MMS22L: variants seen among roughly 807,000 people sequenced by gnomAD.
MMS22L encodes MMS22 like, DNA repair protein, also known as protein MMS22-like.
A neutral mutation model predicts 159.1 loss-of-function variants in MMS22L; 74 were observed. The ratio of observed to expected loss-of-function variants is 0.47; its 90% CI spans 0.39 to 0.56. MMS22L has a LOEUF of 0.56. Among genes scored for constraint, MMS22L ranks in the 20% least tolerant of loss-of-function variants. MMS22L has a pLI of 0.00. For missense variants in MMS22L, 1,351 were observed against 1,422.1 expected (o/e 0.95, Z 0.80); for synonymous variants, 517 against 506.9 (o/e 1.02, Z -0.27).
chr6:97,189,245 T>C (rs866334861), intron 14 of MMS22L, among the ~76,000 whole-genome samples: 12 of 141,048 alleles, frequency 8.5e-5, no homozygotes, highest in South Asian at 7.2e-4. Flanking sequence ...GGACTCAAAG[T>C]TCTGAATCCA....
At chr6:97,164,394 T>C (rs559178165) in intron 21 of MMS22L, among the ~76,000 whole-genome samples, 1 of 151,892 alleles carries the variant, frequency 6.6e-6, no homozygotes, top group African/African-American at 2.4e-5. Flanking sequence ...GCTAATTTCA[T>C]ATAAAAATAA....
intron 14 of MMS22L, among the ~76,000 whole-genome samples, chr6:97,202,153 A>G (rs1280378130): frequency 6.6e-6 from 1 of 152,162 alleles, no homozygotes; most frequent in Non-Finnish European, 1.5e-5. Context: ...GCTGTGTACT[A>G]AACAACTGAG....
At position 97,267,896 on chromosome 6, in the gene MMS22L, G is replaced by A. The variant is rs751284218; in HGVS notation, c.804C>T (p.Ser268=). Reference sequence around the variant, plus strand: ...CCTTGTCGTACCTGTTGAGTGACAGGCTTATTAAATCACAAAGGAGAGTTT... The same window carrying A: ...CCTTGTCGTACCTGTTGAGTGACAGACTTATTAAATCACAAAGGAGAGTTT... ...HCETLLCDLI[S]LSLNRYDKVR... is the part of the protein sequence containing the mutation. Residue 268 remains serine (S), a synonymous_variant, in exon 8 of 25, where the codon AGC becomes AGT. Transcript: ENST00000683635. 5 of 1,606,940 alleles carry A rather than the reference G, an allele frequency of 3.1e-6. No individual in the cohort carries two copies. The highest frequency in any genetic ancestry group is 4.2e-6 in the Non-Finnish European group (5 of 1,177,946).
chr6:97,223,257 C>G (rs145245300), intron 14 of MMS22L, among the ~76,000 whole-genome samples: 4 of 152,080 alleles, frequency 2.6e-5, no homozygotes, highest in Admixed American at 1.3e-4. Flanking sequence ...AACACACACA[C>G]GCACACACTT....
chr6:97,272,860 A>T lies in MMS22L; in HGVS notation c.450T>A (p.Ala150=). The T allele has an allele frequency of 6.2e-7, 1 of 1,613,274 alleles. No homozygotes were observed. Among genetic ancestry groups the T allele is most frequent in the Non-Finnish European group, 8.5e-7 (1 of 1,179,774 alleles). The change falls in exon 6 of 25, where the codon GCT becomes GCA. Residue 150 remains alanine (A), a synonymous_variant. Coordinates refer to ENST00000683635, the MANE Select transcript of MMS22L (RefSeq NM_001350599.2). ...FIFRYLKVQN[A]ESHVPVHPYE... ...AAGGATGGACAGGAACATGACTCTC[A>T]GCATTCTGTACTTTCAGATACCTAA...
intron 22 of MMS22L, among the ~76,000 whole-genome samples, chr6:97,153,009 A>T (rs979573691): frequency 2.0e-5 from 3 of 151,610 alleles, no homozygotes; most frequent in South Asian, 2.1e-4. Context: ...CTAATTTTTT[A>T]AAAAAGCTTT....
At chr6:97,185,314 A>G (rs758998376) in intron 15 of MMS22L, among the ~76,000 whole-genome samples, 24 of 152,130 alleles carry the variant, frequency 1.6e-4, no homozygotes, top group Admixed American at 2.6e-4. Context: ...CTATTAAACT[A>G]GGTATTCAGT....
At chr6:97,257,353 C>A (rs1276131223) in intron 9 of MMS22L, among the ~76,000 whole-genome samples, 1 of 152,202 alleles carries the variant, frequency 6.6e-6, no homozygotes, top group Non-Finnish European at 1.5e-5. Flanking sequence ...AATGTTTCTT[C>A]AGCTTACTTT....
chr6:97,160,020 A>C (rs1282111483), intron 22 of MMS22L, among the ~76,000 whole-genome samples: 1 of 135,284 alleles, frequency 7.4e-6, no homozygotes, highest in African/African-American at 2.8e-5. Context: ...CCTTAGCCTA[A>C]TACTGTTTTC....
rs1800880288 is a variant in MMS22L at position 97,145,234 on chromosome 6, T to C, written c.*1572A>G. The C allele has an allele frequency of 6.6e-6, 1 of 152,194 alleles. No individual in the cohort carries two copies. Among genetic ancestry groups the C allele is most frequent in the East Asian group, 1.9e-4 (1 of 5,196 alleles). The allele number at this position is 152,194 out of a possible 1,614,324, so 9.4% of individuals were successfully genotyped here. On this transcript the variant is annotated 3_prime_UTR_variant, in exon 25 of 25. Transcript: ENST00000683635. The stretch of plus-strand genomic sequence containing the variant: ...AAGTCTATTAAACAGCCTTAAGCTT[T>C]CATTTATTCCCTTTGATGAAGCTGA...
At chr6:97,182,136 A>G in intron 15 of MMS22L, 82 bp from the exon 16 acceptor site, 1 of 1,147,604 alleles carries the variant, frequency 8.7e-7, no homozygotes, top group Non-Finnish European at 1.2e-6. Flanking sequence ...CAATTATAAC[A>G]AGTGTTTTTT....
intron 9 of MMS22L, chr6:97,260,491 C>G (rs1409630604): frequency 6.6e-6 from 1 of 152,108 alleles, no homozygotes; most frequent in Non-Finnish European, 1.5e-5. Flanking sequence ...CTTCCTATTT[C>G]TTTCCTGCAT....
At chr6:97,253,066 A>T (rs1435777093) in intron 10 of MMS22L, among the ~76,000 whole-genome samples, 3 of 152,198 alleles carry the variant, frequency 2.0e-5, no homozygotes, top group African/African-American at 7.2e-5. Flanking sequence ...AAGTTCATTG[A>T]CTTTTCTCAA....
intron 1 of MMS22L, 138 bp downstream of exon 1, chr6:97,282,958 C>A (rs549920905): frequency 5.2e-5 from 8 of 152,852 alleles, no homozygotes; most frequent in Admixed American, 2.0e-4. Flanking sequence ...GGGCCAACCC[C>A]GACCCTCCAA....
intron 18 of MMS22L, among the ~76,000 whole-genome samples, chr6:97,177,628 G>C (rs1469329154): frequency 6.6e-6 from 1 of 152,134 alleles, no homozygotes; most frequent in Non-Finnish European, 1.5e-5. Context: ...AACTAAATAA[G>C]GGTCCAAATG....
rs1802472114 is a variant in MMS22L at position 97,161,852 on chromosome 6, C to T, written c.3385+150G>A. 4.0e-6 allele frequency: 3 copies of T among 752,154 alleles called. No homozygotes were observed. In the East Asian group the frequency reaches 8.9e-5, roughly 22 times the overall value. 46.6% of individuals were successfully genotyped at this position (752,154 alleles called of 1,614,324 possible). Reference sequence around the variant, plus strand: ...ATTTTATCATACCTAATCTGAGCTGCTAGCTGGAGTTTATTCTTTAACCAT... The same window carrying T: ...ATTTTATCATACCTAATCTGAGCTGTTAGCTGGAGTTTATTCTTTAACCAT... On this transcript the variant is annotated intron_variant, in intron 22 of 24. Coordinates refer to ENST00000683635, the MANE Select transcript of MMS22L (RefSeq NM_001350599.2).
At chr6:97,262,914 T>C (rs1167806216) in intron 9 of MMS22L, among the ~76,000 whole-genome samples, 2 of 152,172 alleles carry the variant, frequency 1.3e-5, no homozygotes, top group Admixed American at 6.5e-5. Flanking sequence ...CATCTTCCCT[T>C]TTCTGCTTCT....
rs1249102984 is a variant in MMS22L at position 97,143,263 on chromosome 6, A to C, written c.*3543T>G. ...TTTAAGTGTCTTCAATTTCTATAGGAAAGAGGTCCTATACAGTTTCCATGC... is the reference window on the plus strand; with the variant it reads ...TTTAAGTGTCTTCAATTTCTATAGGCAAGAGGTCCTATACAGTTTCCATGC... On this transcript the variant is annotated 3_prime_UTR_variant, in exon 25 of 25. Transcript: ENST00000683635. 6.6e-6 allele frequency: 1 copy of C among 152,122 alleles called. No individual in the cohort carries two copies. The highest frequency in any genetic ancestry group is 6.5e-5 in the Admixed American group (1 of 15,270). The allele number at this position is 152,122 out of a possible 1,614,324, so 9.4% of individuals were successfully genotyped here.
intron 14 of MMS22L, among the ~76,000 whole-genome samples, chr6:97,210,203 T>C (rs536331076): frequency 2.6e-5 from 4 of 151,820 alleles, no homozygotes; most frequent in African/African-American, 4.8e-5. Flanking sequence ...CTTAAACCAG[T>C]AGTTCTTGCT....
Sources: allele counts gnomAD v4.1 joint callset (sites outside exome capture counted in the v4.1 genomes callset), GRCh38; gene constraint gnomAD v4.1.1; transcripts MANE v1.5; gene names NCBI Gene and HGNC (gene_info 2026-07-23, HGNC 2026-07-21).